MKX: variants seen among roughly 807,000 people sequenced by gnomAD.
MKX encodes homeobox protein Mohawk.
In MKX, 13 loss-of-function variants were observed where a neutral mutation model predicts 36.0. That is an observed-to-expected ratio of 0.36 (90% CI 0.24 to 0.57). The LOEUF is 0.57. Ranked by LOEUF, MKX falls within the 20% of genes least tolerant of loss-of-function variation. The pLI is 0.79. For missense variants in MKX, 458 were observed against 456.4 expected (o/e 1.00, Z -0.03); for synonymous variants, 176 against 178.3 (o/e 0.99, Z 0.10).
chr10:27,708,284 C>A (rs1229291636), intron 5 of MKX, among the ~76,000 whole-genome samples: 1 of 152,146 alleles, frequency 6.6e-6, no homozygotes, highest in Non-Finnish European at 1.5e-5. Flanking sequence ...CTTCTCACTT[C>A]ACACTTTTTT....
chr10:27,731,685 A>G (rs901965040), intron 5 of MKX, among the ~76,000 whole-genome samples: 3 of 152,012 alleles, frequency 2.0e-5, no homozygotes, highest in Non-Finnish European at 4.4e-5. Context: ...TTATTTAAAA[A>G]TAGAATTTGG....
chr10:27,677,200 T>G lies in MKX; in HGVS notation c.839-1646A>C, dbSNP rs544969225. Reference sequence around the variant, plus strand: ...ACTGGGGAGCTACTGCACTTGGCACTGTGCTGCACACAGGAAACCTGGAAA... The same window carrying G: ...ACTGGGGAGCTACTGCACTTGGCACGGTGCTGCACACAGGAAACCTGGAAA... On this transcript the variant is annotated intron_variant, in intron 5 of 6. Coordinates refer to ENST00000419761, the MANE Select transcript of MKX (RefSeq NM_173576.3). Among the ~76,000 whole-genome samples the G allele has an allele frequency of 2.6e-5, 4 of 152,290 alleles. No homozygotes were observed. The South Asian group carries it at 8.3e-4, about 32-fold the overall frequency.
chr10:27,727,674 T>C (rs1315166273), intron 5 of MKX, among the ~76,000 whole-genome samples: 1 of 152,210 alleles, frequency 6.6e-6, no homozygotes, highest in Non-Finnish European at 1.5e-5. Flanking sequence ...AGATTCTGCT[T>C]AGAAATAAGT....
In MKX at chr10:27,674,665, CAT is replaced by C. The variant is rs1836108662; in HGVS notation, c.*562_*563del. 1 of 152,244 alleles carries C rather than the reference CAT, an allele frequency of 6.6e-6. No individual in the cohort carries two copies. The highest frequency in any genetic ancestry group is 2.1e-4 in the South Asian group (1 of 4,832). The allele number at this position is 152,244 out of a possible 1,614,324, so 9.4% of individuals were successfully genotyped here. A position where few individuals can be genotyped will look rare whatever the true frequency, so the allele number is the denominator to read the frequency against. On this transcript the variant is annotated 3_prime_UTR_variant, in exon 7 of 7. Coordinates refer to ENST00000419761, the MANE Select transcript of MKX (RefSeq NM_173576.3). ...CACCTTGAATTTTGGAAGTTTGTAA[CAT>C]ATCAAATATGCAGGCAAGATACATG...
chr10:27,680,496 A>G (rs1836236664), intron 5 of MKX, among the ~76,000 whole-genome samples: 1 of 152,216 alleles, frequency 6.6e-6, no homozygotes, highest in Non-Finnish European at 1.5e-5. Flanking sequence ...AAGTAGAGAA[A>G]AAATTATACA....
At position 27,711,495 on chromosome 10, in the gene MKX, C is replaced by CTTT. The variant is rs1363496557; in HGVS notation, c.838+22960_838+22961insAAA. Among the ~76,000 whole-genome samples, 13 of 32,908 alleles carry CTTT rather than the reference C, an allele frequency of 4.0e-4. 1 individual carries two copies. Among genetic ancestry groups the CTTT allele is most frequent in the African/African-American group, 1.4e-3 (13 of 9,592 alleles). 21.6% of individuals were successfully genotyped at this position (32,908 alleles called of 152,430 possible). ...TCTTTCTTTCTTTCTCTCTCTCTCT[C>CTTT]TTCTTTCCTTCCTTCCTTCCTTCCT... is the stretch of plus-strand genomic sequence containing the variant. On this transcript the variant is annotated intron_variant, in intron 5 of 6. Transcript: ENST00000419761.
At chr10:27,711,467 CTTTCTTTCTTTCTT>C (rs775637574) in intron 5 of MKX, among the ~76,000 whole-genome samples, 19,588 of 43,464 alleles carry the variant, frequency 0.45, 1,865 homozygotes, top group Non-Finnish European at 0.49. Context: ...TTCTTTCTTT[CTTTCTTTCTTTCTT>C]TCTCTCTCTC....
chr10:27,713,139 G>A (rs1416433159), intron 5 of MKX, among the ~76,000 whole-genome samples: 3 of 152,140 alleles, frequency 2.0e-5, no homozygotes, highest in South Asian at 2.1e-4. Flanking sequence ...ATGGCAACAC[G>A]ACCCAAGCAC....
intron 3 of MKX, among the ~76,000 whole-genome samples, chr10:27,740,251 T>G (rs1386781488): frequency 2.0e-5 from 3 of 152,228 alleles, no homozygotes; most frequent in African/African-American, 7.2e-5. Context: ...TTTTTCCTTT[T>G]TGGAGTTCCT....
At chr10:27,725,893 G>A (rs1025077370) in intron 5 of MKX, among the ~76,000 whole-genome samples, 1 of 152,068 alleles carries the variant, frequency 6.6e-6, no homozygotes, top group African/African-American at 2.4e-5. Flanking sequence ...CTTATACATA[G>A]GAGAAGAAAG....
In MKX at chr10:27,674,977, C is replaced by G; in HGVS notation, c.*252G>C. ...GAGCTTATTGTCGGGAAGCAAGGCA[C>G]TTACTGTAATGGTAATGCAGATGTT... is the stretch of plus-strand genomic sequence containing the variant. On this transcript the variant is annotated 3_prime_UTR_variant, in exon 7 of 7. Coordinates refer to ENST00000419761, the MANE Select transcript of MKX (RefSeq NM_173576.3). The G allele has an allele frequency of 3.0e-6, 1 of 334,356 alleles. No homozygotes were observed. 20.7% of individuals were successfully genotyped at this position (334,356 alleles called of 1,614,324 possible).
In MKX at chr10:27,734,674, C is replaced by T. The variant is rs1255540276; in HGVS notation, c.620G>A (p.Arg207Gln). 6 of 1,613,952 alleles carry T rather than the reference C, an allele frequency of 3.7e-6. No individual in the cohort carries two copies. The highest frequency in any genetic ancestry group is 5.1e-6 in the Non-Finnish European group (6 of 1,180,006). Reference protein sequence around the residue: ...VIKAGVRPESRASEDYVAPPK... With the variant: ...VIKAGVRPESQASEDYVAPPK... ...GGGTGCCACGTAGTCCTCACTGGCC[C>T]GTGACTCTGGCCTCACTCCCGCTTT... The change falls in exon 5 of 7, where the codon CGG (arginine) becomes CAG (glutamine). Residue 207 changes from arginine to glutamine, a missense_variant. Transcript: ENST00000419761.
chr10:27,717,508 C>T (rs1290341919), intron 5 of MKX, among the ~76,000 whole-genome samples: 5 of 152,140 alleles, frequency 3.3e-5, no homozygotes, highest in South Asian at 4.1e-4. Context: ...TCAGGCTGGA[C>T]GTCTGGCATT....
At chr10:27,700,539 A>G (rs1836632284) in intron 5 of MKX, among the ~76,000 whole-genome samples, 1 of 152,192 alleles carries the variant, frequency 6.6e-6, no homozygotes, top group African/African-American at 2.4e-5. Flanking sequence ...TCTGCTGAAT[A>G]GAGCCTGTTC....
chr10:27,712,613 G>A (rs774164298), intron 5 of MKX, among the ~76,000 whole-genome samples: 2 of 152,144 alleles, frequency 1.3e-5, no homozygotes, highest in Non-Finnish European at 1.5e-5. Flanking sequence ...TGGCCAAAGG[G>A]CACTAAAGAA....
At chr10:27,730,917 T>C (rs1431651830) in intron 5 of MKX, among the ~76,000 whole-genome samples, 1 of 151,582 alleles carries the variant, frequency 6.6e-6, no homozygotes, top group Non-Finnish European at 1.5e-5. Flanking sequence ...GGCAGATCAC[T>C]AGGTCAGGAG....
rs1250576858 is a variant in MKX at position 27,741,920 on chromosome 10, C to G, written c.189-416G>C. Among the ~76,000 whole-genome samples, 1 of 152,204 alleles carries G rather than the reference C, an allele frequency of 6.6e-6. No individual in the cohort carries two copies. The highest frequency in any genetic ancestry group is 6.5e-5 in the Admixed American group (1 of 15,292). ...TATGCGGCTGGCTCTCGAAACTTCCCTCGGGGATCTCTTGTCTGCTCCCAG... is the reference window on the plus strand; with the variant it reads ...TATGCGGCTGGCTCTCGAAACTTCCGTCGGGGATCTCTTGTCTGCTCCCAG... On this transcript the variant is annotated intron_variant, in intron 2 of 6. Coordinates refer to ENST00000419761, the MANE Select transcript of MKX (RefSeq NM_173576.3). The surrounding 1 kb of genome is among the most constrained non-coding windows in gnomAD (Gnocchi z 5.1).
chr10:27,741,290 C>G lies in MKX; in HGVS notation c.348+55G>C. On this transcript the variant is annotated intron_variant, in intron 3 of 6. Coordinates refer to ENST00000419761, the MANE Select transcript of MKX (RefSeq NM_173576.3). The surrounding 1 kb of genome is among the most constrained non-coding windows in gnomAD (Gnocchi z 5.1). ...GAGCCACACGAACTCTAAGCGTTCC[C>G]GCTCTTCAGCCCCTCGCGGGAAAAC... The G allele has an allele frequency of 6.2e-7, 1 of 1,601,900 alleles. No homozygotes were observed.
At chr10:27,720,666 T>A (rs1273746380) in intron 5 of MKX, among the ~76,000 whole-genome samples, 1 of 152,134 alleles carries the variant, frequency 6.6e-6, no homozygotes, top group African/African-American at 2.4e-5. Flanking sequence ...ATAAAGTGAT[T>A]ACACCAGAAA....
Sources: allele counts gnomAD v4.1 joint callset (sites outside exome capture counted in the v4.1 genomes callset), GRCh38; gene constraint gnomAD v4.1.1; non-coding constraint Gnocchi (gnomAD v3.1); transcripts MANE v1.5; gene names NCBI Gene and HGNC (gene_info 2026-07-23, HGNC 2026-07-21).